Variants in CHCHD6 observed in about 807,000 individuals in gnomAD.
The protein encoded by CHCHD6 is coiled-coil-helix-coiled-coil-helix domain containing 6.
A neutral mutation model predicts 32.3 loss-of-function variants in CHCHD6; 28 were observed. That is an observed-to-expected ratio of 0.87 (90% CI 0.64 to 1.19). CHCHD6 has a LOEUF of 1.19. CHCHD6 is among the 50% of genes most tolerant of loss of function. The pLI is 0.00. For missense variants in CHCHD6, 333 were observed against 307.0 expected, an observed-to-expected ratio of 1.08 and a Z score of -0.63; for synonymous variants, 122 against 117.5, an observed-to-expected ratio of 1.04 and a Z score of -0.25.
intron 6 of CHCHD6, among the ~76,000 whole-genome samples, chr3:126,954,946 G>A (rs2078762943): frequency 6.6e-6 from 1 of 152,228 alleles, no homozygotes; most frequent in South Asian, 2.1e-4. Context: ...GCCTTCTAAG[G>A]CTGGAGACTC....
chr3:126,815,713 C>T (rs908399812), intron 4 of CHCHD6, among the ~76,000 whole-genome samples: 2 of 149,764 alleles, frequency 1.3e-5, no homozygotes, highest in Non-Finnish European at 3.0e-5. Context: ...CCAGAATTAT[C>T]CATCAGAAAC....
In CHCHD6 at chr3:126,788,243, A is replaced by T. The variant is rs192985569; in HGVS notation, c.411+55021A>T. On this transcript the variant is annotated intron_variant, in intron 4 of 7. Transcript: ENST00000290913. ...TTCGTTTGCCAGTATTTTATTGAGG[A>T]TTTTCGCATTGATGTTCTTCAGGGA... Among the ~76,000 whole-genome samples, 640 of 151,980 alleles carry T rather than the reference A, an allele frequency of 4.2e-3. 3 individuals are homozygous for T. Among genetic ancestry groups the T allele is most frequent in the African/African-American group, 0.011 (435 of 41,428 alleles).
intron 1 of CHCHD6, among the ~76,000 whole-genome samples, chr3:126,713,974 G>A (rs1409333595): frequency 6.6e-6 from 1 of 151,412 alleles, no homozygotes; most frequent in Non-Finnish European, 1.5e-5. Context: ...CTACTTGGGA[G>A]GCTGAGGCAG....
intron 6 of CHCHD6, among the ~76,000 whole-genome samples, chr3:126,945,918 G>A (rs1429050371): frequency 6.6e-6 from 1 of 152,054 alleles, no homozygotes; most frequent in Admixed American, 6.5e-5. Context: ...ACGACAGGGG[G>A]TGGGGAACAG....
chr3:126,780,231 T>G (rs79245570), intron 4 of CHCHD6: 6,664 of 316,394 alleles, frequency 0.021, 126 homozygotes, highest in African/African-American at 0.063. Context: ...AGTGTTTTCA[T>G]CACTTGGATA....
At chr3:126,932,523 TC>T (rs2078420614) in intron 6 of CHCHD6, among the ~76,000 whole-genome samples, 1 of 152,144 alleles carries the variant, frequency 6.6e-6, no homozygotes, top group Non-Finnish European at 1.5e-5. Context: ...GAGGAGGCCT[TC>T]CCCCACCCCG....
In CHCHD6 at chr3:126,724,328, A is replaced by G. The variant is rs184480092; in HGVS notation, c.88-2750A>G. ...ATACCACAGTACAGTGGACATCAAAATAAAGCAAATCATGAACTTTTTGGT... is the reference window on the plus strand; with the variant it reads ...ATACCACAGTACAGTGGACATCAAAGTAAAGCAAATCATGAACTTTTTGGT... On this transcript the variant is annotated intron_variant, in intron 1 of 7. Coordinates refer to ENST00000290913, the MANE Select transcript of CHCHD6 (RefSeq NM_032343.3). 3.9e-3 allele frequency among the ~76,000 whole-genome samples: 599 copies of G among 152,334 alleles called. 4 individuals carry two copies. Among genetic ancestry groups the G allele is most frequent in the African/African-American group, 0.012 (512 of 41,568 alleles).
chr3:126,832,674 G>T (rs1301595801), intron 4 of CHCHD6, among the ~76,000 whole-genome samples: 1 of 152,172 alleles, frequency 6.6e-6, no homozygotes, highest in Non-Finnish European at 1.5e-5. Flanking sequence ...TAGAATTGCT[G>T]CCATCTTCAT....
Position 126,914,575 on chromosome 3 carries a change from C to T in CHCHD6, c.496-105C>T, listed in dbSNP as rs1023884459. On this transcript the variant is annotated intron_variant, in intron 5 of 7. Coordinates refer to ENST00000290913, the MANE Select transcript of CHCHD6 (RefSeq NM_032343.3). ...ATTAATTACCAGTCGGCTTTGATGC[C>T]CGTCAAGAAATTAGCATCTGTCAAT... The T allele has an allele frequency of 1.6e-5, 12 of 749,810 alleles. 1 individual carries two copies. The highest frequency in any genetic ancestry group is 9.0e-5 in the South Asian group (6 of 66,858). 46.4% of individuals were successfully genotyped at this position (749,810 alleles called of 1,614,324 possible).
At chr3:126,777,406 A>G (rs1411921741) in intron 4 of CHCHD6, among the ~76,000 whole-genome samples, 2 of 152,200 alleles carry the variant, frequency 1.3e-5, no homozygotes, top group Admixed American at 6.5e-5. Flanking sequence ...TACCAAATCA[A>G]TAGTTATTTC....
At chr3:126,713,657 C>T (rs1934866812) in intron 1 of CHCHD6, among the ~76,000 whole-genome samples, 1 of 152,132 alleles carries the variant, frequency 6.6e-6, no homozygotes, top group Admixed American at 6.5e-5. Flanking sequence ...TCCACACTTA[C>T]TTCCTTTCTG....
At chr3:126,886,120 T>A (rs1245552002) in intron 5 of CHCHD6, among the ~76,000 whole-genome samples, 1 of 152,230 alleles carries the variant, frequency 6.6e-6, no homozygotes, top group Non-Finnish European at 1.5e-5. Flanking sequence ...GAACACTGTT[T>A]AAGTGCAAAA....
rs569723647 is a variant in CHCHD6, at chr3:126,748,272, A to G, written c.411+15050A>G. Among the ~76,000 whole-genome samples, 6 of 152,044 alleles carry G rather than the reference A, an allele frequency of 3.9e-5. No individual in the cohort carries two copies. In the South Asian group the frequency reaches 6.2e-4, roughly 16 times the overall value. ...TGGTAGTCATAATCTTTCTTCTCAA[A>G]CTCATTACAATTTGGCGTGATCTCA... On this transcript the variant is annotated intron_variant, in intron 4 of 7. Coordinates refer to ENST00000290913, the MANE Select transcript of CHCHD6 (RefSeq NM_032343.3).
Position 126,704,378 on chromosome 3 carries a change from C to A in CHCHD6, c.66C>A (p.Val22=), listed in dbSNP as rs1158013730. The A allele has an allele frequency of 6.4e-7, 1 of 1,570,832 alleles. No individual in the cohort carries two copies. The highest frequency in any genetic ancestry group is 1.4e-5 in the African/African-American group (1 of 73,696). The part of the protein sequence containing the change: ...VSFGVDEEER[V]RVLQGVRLSE... ...TCGGAGTGGACGAGGAGGAGCGGGT[C>A]CGGGTGCTGCAGGGTGTCCGGGTGA... Residue 22 remains valine, a synonymous_variant, in exon 1 of 8, where the codon GTC becomes GTA. Coordinates refer to ENST00000290913, the MANE Select transcript of CHCHD6 (RefSeq NM_032343.3).
At chr3:126,880,004 C>T (rs1162683045) in intron 5 of CHCHD6, among the ~76,000 whole-genome samples, 1 of 152,182 alleles carries the variant, frequency 6.6e-6, no homozygotes, top group African/African-American at 2.4e-5. Context: ...CCAGACTCTC[C>T]TCCTTAGTGG....
intron 6 of CHCHD6, among the ~76,000 whole-genome samples, chr3:126,954,061 T>A (rs1384656873): frequency 6.6e-6 from 1 of 152,232 alleles, no homozygotes; most frequent in Non-Finnish European, 1.5e-5. Flanking sequence ...ATGCTCTCCC[T>A]GTCTTATCCC....
intron 4 of CHCHD6, among the ~76,000 whole-genome samples, chr3:126,770,573 T>C (rs561182217): frequency 1.1e-4 from 17 of 152,358 alleles, no homozygotes; most frequent in Non-Finnish European, 2.1e-4. Context: ...TTTCTGCATC[T>C]ATTGAGATGG....
intron 4 of CHCHD6, among the ~76,000 whole-genome samples, chr3:126,782,734 G>A (rs567951639): frequency 1.1e-3 from 164 of 152,060 alleles, no homozygotes; most frequent in Non-Finnish European, 2.1e-3. Flanking sequence ...TCAAATTCCT[G>A]AGCAAGTCAC....
In CHCHD6 at chr3:126,838,375, G is replaced by A. The variant is rs544839355; in HGVS notation, c.412-14272G>A. On this transcript the variant is annotated intron_variant, in intron 4 of 7. Coordinates refer to ENST00000290913, the MANE Select transcript of CHCHD6 (RefSeq NM_032343.3). ...GGAAAGTGAGGAAGATGACCCTAGA[G>A]AAGCAGCCTCTCCTGATTTTTCTGT... Among the ~76,000 whole-genome samples the A allele has an allele frequency of 2.0e-5, 3 of 152,298 alleles. No homozygotes were observed. In the East Asian group the frequency reaches 5.8e-4, roughly 29 times the overall value.
Sources: gnomAD v4.1 joint callset for allele counts (sites outside exome capture counted in the v4.1 genomes callset) on GRCh38, gnomAD v4.1.1 for gene constraint, MANE v1.5 for transcripts, NCBI Gene and HGNC (gene_info 2026-07-23, HGNC 2026-07-21) for gene names.